Variants in PCDHA3 observed in about 807,000 individuals in gnomAD.
PCDHA3 encodes the protein protocadherin alpha-3.
Under a neutral mutation model 62.2 loss-of-function variants are expected in PCDHA3, and 41 were observed. That is an observed-to-expected ratio of 0.66 (90% CI 0.51 to 0.86). The LOEUF (loss-of-function observed/expected upper bound fraction) is 0.86, where lower values mean the gene tolerates loss of function less well. Among genes scored for constraint, PCDHA3 ranks in the 40% least tolerant of loss-of-function variants. PCDHA3 has a pLI of 0.00. For missense variants in PCDHA3, 1,304 were observed against 1,241.2 expected, an observed-to-expected ratio of 1.05 and a Z score of -0.76; for synonymous variants, 640 against 555.4, an observed-to-expected ratio of 1.15 and a Z score of -2.14.
In PCDHA3 at chr5:140,850,283, A is replaced by C. The variant is rs143335350; in HGVS notation, c.2394+46692A>C. The C allele has an allele frequency of 4.9e-5, 78 of 1,595,592 alleles. 6 individuals carry two copies. In the African/African-American group the frequency reaches 9.3e-4, roughly 19 times the overall value. On this transcript the variant is annotated intron_variant, in intron 1 of 3. Coordinates refer to ENST00000522353, the MANE Select transcript of PCDHA3 (RefSeq NM_018906.3). ...GCGTAGTGGTGGGGAAGGTGCGCGC[A>C]GTGGACGCCGACTCGGGCTACAACG...
At chr5:140,968,560 C>T (rs782202250) in intron 1 of PCDHA3, 2 of 1,614,154 alleles carry the variant, frequency 1.2e-6, no homozygotes, top group Admixed American at 1.7e-5. Context: ...CTCGAACTGC[C>T]CCTGCTGGCT....
intron 2 of PCDHA3, chr5:140,982,224 A>C: frequency 1.7e-6 from 1 of 587,320 alleles, no homozygotes; most frequent in South Asian, 3.8e-5. Flanking sequence ...TGGCGTTAAT[A>C]AAAAACAGAA....
At chr5:140,898,583 G>C (rs1179481608) in intron 1 of PCDHA3, among the ~76,000 whole-genome samples, 2 of 152,124 alleles carry the variant, frequency 1.3e-5, no homozygotes, top group African/African-American at 4.8e-5. Context: ...TGCTGTTTTG[G>C]TTACTGTAGC....
At chr5:140,891,317 C>A (rs2063039508) in intron 1 of PCDHA3, among the ~76,000 whole-genome samples, 1 of 151,808 alleles carries the variant, frequency 6.6e-6, no homozygotes, top group South Asian at 2.1e-4. Context: ...TGAGTAAGTT[C>A]TTTGGTGGTG....
chr5:140,855,814 G>T, intron 1 of PCDHA3: 1 of 513,024 alleles, frequency 1.9e-6, no homozygotes, highest in Non-Finnish European at 3.4e-6. Context: ...AAGAAAAGTT[G>T]TGAACTCATG....
chr5:140,952,192 G>T (rs572613863), intron 1 of PCDHA3, among the ~76,000 whole-genome samples: 3 of 152,080 alleles, frequency 2.0e-5, no homozygotes, highest in Non-Finnish European at 4.4e-5. Context: ...TCATGGGTTG[G>T]TGTTGAATGC....
chr5:140,874,192 T>C (rs1263028873), intron 1 of PCDHA3, among the ~76,000 whole-genome samples: 4 of 152,224 alleles, frequency 2.6e-5, no homozygotes, highest in African/African-American at 9.6e-5. Flanking sequence ...GGTGTCATAT[T>C]TCAGTTGCCT....
At chr5:140,858,024 C>T (rs782656168) in intron 1 of PCDHA3, 4 of 1,596,582 alleles carry the variant, frequency 2.5e-6, no homozygotes, top group African/African-American at 1.3e-5. Context: ...CCGTCGCTGA[C>T]GGCCACGGCC....
chr5:140,850,269 G>C lies in PCDHA3; in HGVS notation c.2394+46678G>C, dbSNP rs201513560. ...GTCGGTGGGCGCCGGCGTAGTGGTGGGGAAGGTGCGCGCAGTGGACGCCGA... is the reference window on the plus strand; with the variant it reads ...GTCGGTGGGCGCCGGCGTAGTGGTGCGGAAGGTGCGCGCAGTGGACGCCGA... On this transcript the variant is annotated intron_variant, in intron 1 of 3. Transcript: ENST00000522353. 7 of 1,594,786 alleles carry C rather than the reference G, an allele frequency of 4.4e-6. 1 individual carries two copies. The highest frequency in any genetic ancestry group is 1.3e-5 in the African/African-American group (1 of 74,148).
At chr5:140,985,317 A>C (rs1457089100) in intron 3 of PCDHA3, among the ~76,000 whole-genome samples, 1 of 152,134 alleles carries the variant, frequency 6.6e-6, no homozygotes, top group Non-Finnish European at 1.5e-5. Flanking sequence ...TGGTGGCCAG[A>C]ATTCAGTAGT....
chr5:140,821,929 G>A (rs2150112109), intron 1 of PCDHA3: 2 of 1,614,194 alleles, frequency 1.2e-6, no homozygotes, highest in Non-Finnish European at 1.7e-6. Context: ...GCAGGACCTA[G>A]GGCTGGAGCT....
chr5:140,996,403 G>A (rs2097725218), intron 3 of PCDHA3, among the ~76,000 whole-genome samples: 2 of 152,216 alleles, frequency 1.3e-5, no homozygotes, highest in South Asian at 4.1e-4. Context: ...AGTTTCAGGT[G>A]GGGCAGGCAG....
intron 1 of PCDHA3, among the ~76,000 whole-genome samples, chr5:140,912,990 T>C (rs2076154668): frequency 6.6e-6 from 1 of 152,198 alleles, no homozygotes; most frequent in African/African-American, 2.4e-5. Context: ...GAATTCAGTT[T>C]GCTAGTATTT....
intron 1 of PCDHA3, among the ~76,000 whole-genome samples, chr5:140,838,077 A>AGTGTGTGTGT (rs57130401): frequency 1.2e-5 from 1 of 80,662 alleles, no homozygotes; most frequent in Non-Finnish European, 2.4e-5. Flanking sequence ...ATATATATAT[A>AGTGTGTGTGT]GTGTGTGTGT....
chr5:140,941,281 C>A (rs12652617), intron 1 of PCDHA3, among the ~76,000 whole-genome samples: 1 of 69,002 alleles, frequency 1.4e-5, no homozygotes, highest in Non-Finnish European at 3.2e-5. Context: ...TTCCTTCCTT[C>A]CTTTCTCTTT....
chr5:140,855,640 A>G (rs555429613), intron 1 of PCDHA3, among the ~76,000 whole-genome samples: 1 of 150,004 alleles, frequency 6.7e-6, no homozygotes, highest in East Asian at 1.9e-4. Context: ...GCTATTGATA[A>G]TCATGTGGTT....
chr5:140,822,107 G>T, intron 1 of PCDHA3: 1 of 1,614,274 alleles, frequency 6.2e-7, no homozygotes, highest in Non-Finnish European at 8.5e-7. Context: ...ATCGTGGACA[G>T]GCCGCTGCAG....
intron 1 of PCDHA3, chr5:140,803,920 T>A: frequency 2.0e-6 from 1 of 488,680 alleles, no homozygotes. Context: ...CTTCGACTTG[T>A]TTTATACTTA....
At chr5:140,944,046 G>A (rs782798105) in intron 1 of PCDHA3, among the ~76,000 whole-genome samples, 3 of 152,158 alleles carry the variant, frequency 2.0e-5, no homozygotes, top group Non-Finnish European at 4.4e-5. Context: ...AACCAGATTG[G>A]GATACAAAAA....
Sources: gnomAD v4.1 joint callset for allele counts (sites outside exome capture counted in the v4.1 genomes callset) on GRCh38, gnomAD v4.1.1 for gene constraint, MANE v1.5 for transcripts, NCBI Gene and HGNC (gene_info 2026-07-23, HGNC 2026-07-21) for gene names.